The following CASTOR2 variants were observed in gnomAD, a reference collection of about 807,000 sequenced individuals.
CASTOR2 encodes cytosolic arginine sensor for mTORC1 subunit 2.
Under a neutral mutation model 31.2 loss-of-function variants are expected in CASTOR2, and 8 were observed. The observed-to-expected ratio is 0.26, with a 90% CI of 0.15 to 0.46. The LOEUF (loss-of-function observed/expected upper bound fraction) is 0.46, where lower values mean the gene tolerates loss of function less well. CASTOR2 is among the 20% of genes least tolerant of loss of function. The pLI is 0.99. For synonymous variants in CASTOR2, 162 were observed against 158.7 expected (o/e 1.02, Z -0.16); for missense variants, 216 against 382.1 (o/e 0.57, Z 3.62).
At chr7:75,015,735 C>A (rs1321207520) in intron 2 of CASTOR2, among the ~76,000 whole-genome samples, 4,691 of 152,148 alleles carry the variant, frequency 0.031, 84 homozygotes, top group East Asian at 0.048. Context: ...CCTTCCAGGT[C>A]CAGGGTTTCT....
In CASTOR2 at chr7:75,017,979, C is replaced by T; in HGVS notation, c.379-11C>T. The T allele has an allele frequency of 4.3e-6, 7 of 1,614,226 alleles. No homozygotes were observed. Among genetic ancestry groups the T allele is most frequent in the Non-Finnish European group, 5.1e-6 (6 of 1,180,044 alleles). On this transcript the variant is annotated splice_polypyrimidine_tract_variant and intron_variant, in intron 3 of 8. Transcript: ENST00000616305. ...CACCAGGCACACACGGCCTCAACTT[C>T]TTGCCCCTAGGTGCGCGAGCGGGAC...
At position 75,028,773 on chromosome 7, in the gene CASTOR2, G is replaced by A. The variant is rs1805215608; in HGVS notation, c.*4074G>A. ...TCTCCAGGACCGCCCTCCTTCAAGG[G>A]GCACTGCCCACACCACTGTCCTCAG... is the stretch of plus-strand genomic sequence containing the variant. On this transcript the variant is annotated 3_prime_UTR_variant, in exon 9 of 9. Coordinates refer to ENST00000616305, the MANE Select transcript of CASTOR2 (RefSeq NM_001145064.3). 6.6e-6 allele frequency among the ~76,000 whole-genome samples: 1 copy of A among 152,126 alleles called. No homozygotes were observed. The highest frequency in any genetic ancestry group is 2.1e-4 in the South Asian group (1 of 4,828).
chr7:74,983,692 C>T (rs1803997908), intron 1 of CASTOR2, among the ~76,000 whole-genome samples: 1 of 151,198 alleles, frequency 6.6e-6, no homozygotes, highest in Admixed American at 6.6e-5. Flanking sequence ...CCCATGGCAC[C>T]ATGGTGTGGG....
chr7:74,986,489 C>CA (rs1230811070), intron 1 of CASTOR2, among the ~76,000 whole-genome samples: 4,172 of 66,466 alleles, frequency 0.063, 86 homozygotes, highest in African/African-American at 0.079. Context: ...GACTCTGTCT[C>CA]AAAAAAAAAA....
intron 2 of CASTOR2, among the ~76,000 whole-genome samples, chr7:75,010,183 C>G (rs1249862537): frequency 6.6e-6 from 1 of 152,018 alleles, no homozygotes; most frequent in African/African-American, 2.4e-5. Context: ...CTGGTGAGCT[C>G]ATGTGGTCAT....
intron 1 of CASTOR2, among the ~76,000 whole-genome samples, chr7:74,984,214 G>T (rs1256467460): frequency 6.7e-6 from 1 of 149,868 alleles, no homozygotes; most frequent in Non-Finnish European, 1.5e-5. Context: ...CTCAGTTTCT[G>T]GGGCATTGAG....
In CASTOR2 at chr7:75,028,022, C is replaced by A; in HGVS notation, c.*3323C>A. The A allele has an allele frequency of 6.5e-7, 1 of 1,534,952 alleles. No individual in the cohort carries two copies. Among genetic ancestry groups the A allele is most frequent in the Non-Finnish European group, 8.7e-7 (1 of 1,146,722 alleles). On this transcript the variant is annotated 3_prime_UTR_variant, in exon 9 of 9. Coordinates refer to ENST00000616305, the MANE Select transcript of CASTOR2 (RefSeq NM_001145064.3). Reference sequence around the variant, plus strand: ...TCCTTACCTGTTTGCCGTCCATCCCCCGGAGGTAATCAGAGGAGTGGGCCT... The same window carrying A: ...TCCTTACCTGTTTGCCGTCCATCCCACGGAGGTAATCAGAGGAGTGGGCCT...
At chr7:74,999,601 CT>C (rs1158456043) in intron 1 of CASTOR2, among the ~76,000 whole-genome samples, 64 of 45,754 alleles carry the variant, frequency 1.4e-3, no homozygotes, top group African/African-American at 1.6e-3. Flanking sequence ...TCACTCACTG[CT>C]TTTTTTTTTT....
intron 1 of CASTOR2, among the ~76,000 whole-genome samples, chr7:74,987,022 A>T (rs1804082905): frequency 6.6e-6 from 1 of 152,190 alleles, no homozygotes; most frequent in Non-Finnish European, 1.5e-5. Flanking sequence ...TGGGCGACAG[A>T]GCGAGACCTT....
At chr7:75,011,306 G>A (rs1804737689) in intron 2 of CASTOR2, among the ~76,000 whole-genome samples, 1 of 151,584 alleles carries the variant, frequency 6.6e-6, no homozygotes, top group South Asian at 2.1e-4. Flanking sequence ...ACACATGCCT[G>A]TAGCTCCAGC....
intron 1 of CASTOR2, among the ~76,000 whole-genome samples, chr7:74,987,111 A>G (rs1482051804): frequency 6.6e-6 from 1 of 151,794 alleles, no homozygotes; most frequent in Non-Finnish European, 1.5e-5. Flanking sequence ...TTTGTTGTCT[A>G]AAGCCAGCAC....
At chr7:75,021,772 C>G in intron 6 of CASTOR2, 102 bp from the exon 7 acceptor site, 1 of 1,439,216 alleles carries the variant, frequency 6.9e-7, no homozygotes, top group Non-Finnish European at 9.6e-7. Context: ...CCCAACCCTG[C>G]CTGGCCAGCC....
At chr7:74,988,724 C>G (rs1309330045) in intron 1 of CASTOR2, among the ~76,000 whole-genome samples, 2 of 152,150 alleles carry the variant, frequency 1.3e-5, no homozygotes, top group African/African-American at 4.8e-5. Context: ...CACTGCCCCC[C>G]ACAGCGACCA....
chr7:74,967,373 A>T (rs1803588927), intron 1 of CASTOR2, among the ~76,000 whole-genome samples: 1 of 142,302 alleles, frequency 7.0e-6, no homozygotes, highest in Non-Finnish European at 1.6e-5. Flanking sequence ...CATAGCATTT[A>T]AACTGTTTTC....
At position 75,029,362 on chromosome 7, in the gene CASTOR2, C is replaced by CT. The variant is rs1177516960; in HGVS notation, c.*4682dup. 0.065 allele frequency among the ~76,000 whole-genome samples: 8,231 copies of CT among 126,132 alleles called. 337 individuals are homozygous for CT. The highest frequency in any genetic ancestry group is 0.092 in the Admixed American group (1,135 of 12,314). The allele number at this position is 126,132 out of a possible 152,430, so 82.7% of individuals were successfully genotyped here. On this transcript the variant is annotated 3_prime_UTR_variant, in exon 9 of 9. Transcript: ENST00000616305. Reference sequence around the variant, plus strand: ...CACCTCAGCCCTGCAATGGGGGGATCTTTTTTTTTTTTTTTTTTTGAGACA... The same window carrying CT: ...CACCTCAGCCCTGCAATGGGGGGATCTTTTTTTTTTTTTTTTTTTTGAGACA...
At chr7:75,014,025 G>A (rs1265814438) in intron 2 of CASTOR2, among the ~76,000 whole-genome samples, 1 of 152,010 alleles carries the variant, frequency 6.6e-6, no homozygotes. Context: ...CACCGTACCC[G>A]GCCTCTTTTA....
intron 2 of CASTOR2, among the ~76,000 whole-genome samples, chr7:75,012,601 C>G (rs1804779662): frequency 6.6e-6 from 1 of 151,418 alleles, no homozygotes; most frequent in African/African-American, 2.4e-5. Context: ...ACTACTGCAC[C>G]TAGCCCACTG....
At chr7:75,006,297 G>T (rs1187459977) in intron 1 of CASTOR2, among the ~76,000 whole-genome samples, 1 of 152,142 alleles carries the variant, frequency 6.6e-6, no homozygotes, top group African/African-American at 2.4e-5. Flanking sequence ...AAAGAAGAAA[G>T]AAACTGCCAA....
intron 1 of CASTOR2, among the ~76,000 whole-genome samples, chr7:74,982,401 G>T (rs1803966542): frequency 1.3e-5 from 2 of 151,958 alleles, no homozygotes; most frequent in Admixed American, 1.3e-4. Flanking sequence ...GGCCCCAGGC[G>T]AGTGCATCTG....
Sources: allele counts gnomAD v4.1 joint callset (sites outside exome capture counted in the v4.1 genomes callset), GRCh38; gene constraint gnomAD v4.1.1; transcripts MANE v1.5; gene names NCBI Gene and HGNC (gene_info 2026-07-23, HGNC 2026-07-21).